OTOF: variants seen among roughly 807,000 people sequenced by gnomAD.
The protein encoded by OTOF is otoferlin, also known as fer-1-like family member 2.
In OTOF, 218 loss-of-function variants were observed where a neutral mutation model predicts 236.8. The observed-to-expected ratio is 0.92, with a 90% CI of 0.82 to 1.03. The LOEUF (loss-of-function observed/expected upper bound fraction) is 1.03, where lower values mean the gene tolerates loss of function less well. Ranked by LOEUF, OTOF falls within the 50% of genes least tolerant of loss-of-function variation. The pLI, the probability that OTOF is intolerant of heterozygous loss-of-function variation, is 0.00. For synonymous variants in OTOF, 1,041 were observed against 1,072.5 expected, an observed-to-expected ratio of 0.97 and a Z score of 0.57; for missense variants, 2,590 against 2,694.4, an observed-to-expected ratio of 0.96 and a Z score of 0.86.
chr2:26,528,970 C>A (rs1666875324), intron 2 of OTOF, among the ~76,000 whole-genome samples: 1 of 152,208 alleles, frequency 6.6e-6, no homozygotes, highest in African/African-American at 2.4e-5. Context: ...GGCAAGGAGC[C>A]CAGCCTGCCA....
At position 26,482,477 on chromosome 2, in the gene OTOF, TC is replaced by T; in HGVS notation, c.1507del (p.Asp503ThrfsTer35). The T allele has an allele frequency of 1.2e-6, 2 of 1,613,408 alleles. No individual in the cohort carries two copies. The highest frequency in any genetic ancestry group is 1.7e-6 in the Non-Finnish European group (2 of 1,180,024). ...KRMKVQIRDS[D>X]KVNDVAIGTH... ...GCCGATGGCCACGTCGTTGACCTTG[TC>T]CGAGTCTCGGATCTGCACCTTCATG... On this transcript the variant is annotated frameshift_variant, in exon 14 of 47. Transcript: ENST00000272371. LOFTEE classifies it high-confidence loss of function.
intron 24 of OTOF, 152 bp downstream of exon 24, chr2:26,475,762 T>C: frequency 9.8e-7 from 1 of 1,021,188 alleles, no homozygotes; most frequent in Non-Finnish European, 1.4e-6. Flanking sequence ...GCTGCAGTTA[T>C]CTGCAGGGCT....
intron 22 of OTOF, 135 bp from the exon 23 acceptor site, chr2:26,476,452 G>C: frequency 7.6e-6 from 6 of 791,810 alleles, no homozygotes; most frequent in Non-Finnish European, 1.2e-5. Flanking sequence ...GCTGGGGTCC[G>C]GTGGAGGCAG....
intron 12 of OTOF, among the ~76,000 whole-genome samples, chr2:26,483,915 A>G (rs1212854136): frequency 6.6e-6 from 1 of 152,242 alleles, no homozygotes; most frequent in Admixed American, 6.5e-5. Context: ...AGCACGCTAA[A>G]ACATATGAGT....
At position 26,502,343 on chromosome 2, in the gene OTOF, G is replaced by A; in HGVS notation, c.667C>T (p.Leu223=). The A allele has an allele frequency of 6.2e-7, 1 of 1,614,086 alleles. No homozygotes were observed. Among genetic ancestry groups the A allele is most frequent in the Non-Finnish European group, 8.5e-7 (1 of 1,180,004 alleles). The change falls in exon 7 of 47, where the codon CTA becomes TTA. Residue 223 remains leucine, a synonymous_variant. Transcript: ENST00000272371. ...GTGGTGAGAGCTGTGACTGAGGCTA[G>A]AGACACCGAGTCGGGATCCAGTCCA... ...GDGLDPDSVS[L]ASVTALTTNV...
At chr2:26,496,901 C>CTT (rs1243803566) in intron 8 of OTOF, among the ~76,000 whole-genome samples, 1 of 152,116 alleles carries the variant, frequency 6.6e-6, no homozygotes, top group Non-Finnish European at 1.5e-5. Context: ...GCATCCTAAA[C>CTT]AGCAGAAAGC....
Position 26,480,969 on chromosome 2 carries a change from G to A in OTOF, c.1620C>T (p.Tyr540=), listed in dbSNP as rs149357083. 5.1e-5 allele frequency: 82 copies of A among 1,610,764 alleles called. No homozygotes were observed. The highest frequency in any genetic ancestry group is 6.1e-5 in the Non-Finnish European group (72 of 1,179,272). The change falls in exon 15 of 47, where the codon TAC becomes TAT. Residue 540 remains tyrosine, a synonymous_variant. Transcript: ENST00000272371. ...GCAGCGTGTAGTTACGTGTGGAGCC[G>A]TACATGTTCACCCAGGCTGGGCCCA... ...PTLGPAWVNM[Y]GSTRNYTLLD...
In OTOF at chr2:26,466,152, AG is replaced by A; in HGVS notation, c.4501-77del. The A allele has an allele frequency of 1.3e-6, 2 of 1,589,538 alleles. 1 individual carries two copies. The highest frequency in any genetic ancestry group is 2.2e-5 in the South Asian group (2 of 89,358). On this transcript the variant is annotated intron_variant, in intron 36 of 46. Coordinates refer to ENST00000272371, the MANE Select transcript of OTOF (RefSeq NM_194248.3). ...TTCAGTGCCCCTGCCAGGCTGCCTG[AG>A]GGTCCTATGACAGTGAAGGGCAGGG... is the stretch of plus-strand genomic sequence containing the variant.
Position 26,527,786 on chromosome 2 carries a change from C to A in OTOF, c.227+46G>T, listed in dbSNP as rs200775562. 3.6e-6 allele frequency: 5 copies of A among 1,404,462 alleles called. 1 individual carries two copies. Among genetic ancestry groups the A allele is most frequent in the Middle Eastern group, 3.5e-4 (2 of 5,692 alleles). 87.0% of individuals were successfully genotyped at this position (1,404,462 alleles called of 1,614,324 possible). Reference sequence around the variant, plus strand: ...GGTAGCCCAAGGAGAAGAGCAGGCTCCCAGCCCGTCCAGGCCCAGCCCCTC... The same window carrying A: ...GGTAGCCCAAGGAGAAGAGCAGGCTACCAGCCCGTCCAGGCCCAGCCCCTC... On this transcript the variant is annotated intron_variant, in intron 3 of 46. Coordinates refer to ENST00000272371, the MANE Select transcript of OTOF (RefSeq NM_194248.3).
chr2:26,546,468 A>AG (rs1157400118), intron 1 of OTOF, among the ~76,000 whole-genome samples: 1 of 38,762 alleles, frequency 2.6e-5, no homozygotes, highest in Non-Finnish European at 5.5e-5. Flanking sequence ...TCTCAAAAAG[A>AG]AAAAAAAAAA....
chr2:26,557,637 C>G (rs11126574), intron 1 of OTOF, among the ~76,000 whole-genome samples: 148,014 of 152,094 alleles, frequency 0.97, 72,157 homozygotes, highest in Non-Finnish European at 1. Flanking sequence ...TCCTCTGCCT[C>G]CTCAGTCCTT....
rs763462892 is a variant in OTOF at position 26,474,539 on chromosome 2, G to T, written c.3262C>A (p.Leu1088Met). ...IYRGNATAGD[L>M]LAAFELLQIG... Reference sequence around the variant, plus strand: ...TGCAGCAGCTCGAAGGCCGCCAGCAGGTCTCCAGCTGTGGCGTTGCCACGG... The same window carrying T: ...TGCAGCAGCTCGAAGGCCGCCAGCATGTCTCCAGCTGTGGCGTTGCCACGG... The change falls in exon 26 of 47, where the codon CTG (leucine) becomes ATG (methionine). Residue 1088 changes from leucine (L) to methionine (M), a missense_variant. Leu to Met is a conservative substitution (Grantham distance 15). This residue lies in a region of OTOF where 1,211 missense variants were observed against 1,352.8 expected (regional missense o/e 0.90). Coordinates refer to ENST00000272371, the MANE Select transcript of OTOF (RefSeq NM_194248.3). 3 of 1,612,496 alleles carry T rather than the reference G, an allele frequency of 1.9e-6. No homozygotes were observed. The highest frequency in any genetic ancestry group is 2.2e-5 in the South Asian group (2 of 90,990).
In OTOF at chr2:26,537,699, A is replaced by T; in HGVS notation, c.138+17T>A. On this transcript the variant is annotated intron_variant, in intron 2 of 46. Coordinates refer to ENST00000272371, the MANE Select transcript of OTOF (RefSeq NM_194248.3). ...TGGGCTCAGGGCTGAGGGAGGGGGG[A>T]GTCTTGGGCCTCCTACCTCATCAAA... The T allele has an allele frequency of 6.5e-7, 1 of 1,545,160 alleles. No homozygotes were observed. Among genetic ancestry groups the T allele is most frequent in the Non-Finnish European group, 8.8e-7 (1 of 1,141,164 alleles).
At position 26,461,839 on chromosome 2, in the gene OTOF, A is replaced by C. The variant is rs1664480337; in HGVS notation, c.5390T>G (p.Phe1797Cys). Residue 1797 changes from phenylalanine to cysteine, a missense_variant, in exon 43 of 47, where the codon TTC (phenylalanine) becomes TGC (cysteine). Transcript: ENST00000272371. This position sits in a 1 kb window ranked among gnomAD's most constrained non-coding sequence, Gnocchi z 6.2. ...CTTCTCCTCCGCCGCCAGGTAGTCG[A>C]AGGGGAACAGGTAGCGCCAGTTGAA... ...GNFNWRYLFP[F>C]DYLAAEEKIV... 5.0e-6 allele frequency: 8 copies of C among 1,614,112 alleles called. No individual in the cohort carries two copies. Among genetic ancestry groups the C allele is most frequent in the Non-Finnish European group, 6.8e-6 (8 of 1,180,010 alleles).
intron 35 of OTOF, 63 bp downstream of exon 35, chr2:26,467,028 TGAGTGGGG>T: frequency 1.3e-6 from 2 of 1,522,748 alleles, no homozygotes; most frequent in Admixed American, 3.7e-5. Flanking sequence ...TGGTGGGAGG[TGAGTGGGG>T]GAACCTGTGG....
intron 25 of OTOF, 40 bp from the exon 26 acceptor site, chr2:26,474,714 T>C (rs774789584): frequency 1.9e-6 from 3 of 1,609,732 alleles, no homozygotes; most frequent in Non-Finnish European, 2.5e-6. Context: ...TGGTGCTTGC[T>C]GTCCACACCT....
chr2:26,479,618 G>A lies in OTOF; in HGVS notation c.1948C>T (p.Pro650Ser). Residue 650 changes from proline to serine, a missense_variant, in exon 17 of 47, where the codon CCC becomes TCC. This residue lies in a region of OTOF where 1,379 missense variants were observed against 1,341.6 expected (regional missense o/e 1.03). Coordinates refer to ENST00000272371, the MANE Select transcript of OTOF (RefSeq NM_194248.3). ...YGNEVDGLSR[P>S]QRPRPRKEPG... is the part of the protein sequence containing the mutation. ...TCCTTCCGGGGCCGAGGCCGCTGGG[G>A]CCGGGACAGGCCATCAACTTCGTTC... The A allele has an allele frequency of 1.2e-6, 2 of 1,612,636 alleles. No individual in the cohort carries two copies. The highest frequency in any genetic ancestry group is 3.3e-5 in the Admixed American group (2 of 60,028).
intron 1 of OTOF, among the ~76,000 whole-genome samples, chr2:26,556,196 G>A (rs1249381020): frequency 1.3e-5 from 2 of 152,190 alleles, no homozygotes; most frequent in Admixed American, 1.3e-4. Flanking sequence ...GGAGCCTGGG[G>A]CCAGTGTCTC....
chr2:26,471,275 G>A, intron 30 of OTOF, 125 bp from the exon 31 acceptor site: 2 of 1,029,264 alleles, frequency 1.9e-6, no homozygotes, highest in Non-Finnish European at 3.0e-6. Flanking sequence ...CAGCCCCTGT[G>A]CCCGCAAGGC....
Sources: gnomAD v4.1 joint callset for allele counts (sites outside exome capture counted in the v4.1 genomes callset) on GRCh38, gnomAD v4.1.1 for gene constraint, gnomAD v4.1.1 regional missense constraint, Gnocchi (gnomAD v3.1) non-coding constraint, MANE v1.5 for transcripts, NCBI Gene and HGNC (gene_info 2026-07-23, HGNC 2026-07-21) for gene names.